The following PCDHGA8 variants were observed in gnomAD, a reference collection of about 807,000 sequenced individuals.
PCDHGA8 encodes the protein protocadherin gamma-A8.
Under a neutral mutation model 59.2 loss-of-function variants are expected in PCDHGA8, and 45 were observed. The observed-to-expected ratio is 0.76, with a 90% CI of 0.60 to 0.98. The LOEUF is 0.98. Ranked by LOEUF, PCDHGA8 falls within the 50% of genes least tolerant of loss-of-function variation. PCDHGA8 has a pLI of 0.00. For synonymous variants in PCDHGA8, 531 were observed against 519.0 expected, an observed-to-expected ratio of 1.02 and a Z score of -0.32; for missense variants, 1,257 against 1,196.2, an observed-to-expected ratio of 1.05 and a Z score of -0.75.
At position 141,432,432 on chromosome 5, in the gene PCDHGA8, A is replaced by G. The variant is rs1431760497; in HGVS notation, c.2424+37195A>G. On this transcript the variant is annotated intron_variant, in intron 1 of 3. Transcript: ENST00000398604. This position sits in a 1 kb window ranked among gnomAD's most constrained non-coding sequence, Gnocchi z 6.0. ...CTGTTCGTGCTGGACCAGAACGACA[A>G]TGCGCCCGAGATCCTGTACCCCGCC... The G allele has an allele frequency of 2.5e-6, 4 of 1,614,156 alleles. No homozygotes were observed. Among genetic ancestry groups the G allele is most frequent in the Non-Finnish European group, 3.4e-6 (4 of 1,180,028 alleles).
At chr5:141,425,379 G>A (rs1330938768) in intron 1 of PCDHGA8, among the ~76,000 whole-genome samples, 7 of 152,152 alleles carry the variant, frequency 4.6e-5, no homozygotes, top group African/African-American at 4.8e-5. Context: ...ATGTTGATTC[G>A]GAGGTAGTGA....
At chr5:141,398,743 A>C (rs770231078) in intron 1 of PCDHGA8, 2 of 1,613,864 alleles carry the variant, frequency 1.2e-6, no homozygotes, top group Admixed American at 3.3e-5. Flanking sequence ...GGAACAACAG[A>C]GTTACCATCG....
At chr5:141,445,086 A>T (rs190267063) in intron 1 of PCDHGA8, among the ~76,000 whole-genome samples, 163 of 152,322 alleles carry the variant, frequency 1.1e-3, no homozygotes, top group African/African-American at 3.6e-3. Flanking sequence ...TTGTCCCTAC[A>T]TATTTGATGT....
At chr5:141,399,798 G>T (rs2093890900) in intron 1 of PCDHGA8, 2 of 1,613,118 alleles carry the variant, frequency 1.2e-6, no homozygotes, top group Non-Finnish European at 1.7e-6. Context: ...ACGCACCGCG[G>T]GTGCTGTACC....
chr5:141,433,408 A>ATCTATCTATCT (rs1413347413), intron 1 of PCDHGA8, among the ~76,000 whole-genome samples: 6 of 127,280 alleles, frequency 4.7e-5, no homozygotes, highest in African/African-American at 1.8e-4. Context: ...TCTATCTATT[A>ATCTATCTATCT]CTTTCTTGTA....
At chr5:141,404,481 A>T in intron 1 of PCDHGA8, 1 of 1,613,836 alleles carries the variant, frequency 6.2e-7, no homozygotes, top group Non-Finnish European at 8.5e-7. Context: ...ATTAACTCAG[A>T]CACTGGTGTG....
chr5:141,452,678 C>T (rs1311364057), intron 1 of PCDHGA8, among the ~76,000 whole-genome samples: 1 of 150,100 alleles, frequency 6.7e-6, no homozygotes, highest in African/African-American at 2.5e-5. Flanking sequence ...GCCTAGGCCA[C>T]AGAATGAAAC....
At chr5:141,421,418 G>A (rs771088122) in intron 1 of PCDHGA8, 1 of 1,614,086 alleles carries the variant, frequency 6.2e-7, no homozygotes, top group Admixed American at 1.7e-5. Flanking sequence ...GCGAAGCGCG[G>A]AGTCCGCATC....
intron 1 of PCDHGA8, chr5:141,409,412 C>T (rs1261631725): frequency 1.2e-6 from 2 of 1,614,032 alleles, no homozygotes; most frequent in Non-Finnish European, 1.7e-6. Flanking sequence ...CTACTACAAA[C>T]TGGTGACAGA....
intron 1 of PCDHGA8, chr5:141,403,625 A>G (rs2094436092): frequency 6.2e-7 from 1 of 1,613,818 alleles, no homozygotes; most frequent in African/African-American, 1.3e-5. Context: ...TCGCTCCAGC[A>G]CAGTGCGCAT....
At position 141,403,188 on chromosome 5, in the gene PCDHGA8, C is replaced by T. The variant is rs763950254; in HGVS notation, c.2424+7951C>T. ...AGGACGCAGCTTTTCTCTCTGAACCCGCGCAGCGGCACCTTGGTCACCGCG... is the reference window on the plus strand; with the variant it reads ...AGGACGCAGCTTTTCTCTCTGAACCTGCGCAGCGGCACCTTGGTCACCGCG... On this transcript the variant is annotated intron_variant, in intron 1 of 3. Coordinates refer to ENST00000398604, the MANE Select transcript of PCDHGA8 (RefSeq NM_032088.2). 5 of 1,613,850 alleles carry T rather than the reference C, an allele frequency of 3.1e-6. No individual in the cohort carries two copies. The African/African-American group carries it at 4.0e-5, about 13-fold the overall frequency.
chr5:141,487,068 T>C lies in PCDHGA8; in HGVS notation c.2425-7739T>C. ...TATGCTGGGGAGGTGCGGACGGCTG[T>C]TCCTATCCCAGCTGACCTCCCACCA... On this transcript the variant is annotated intron_variant, in intron 1 of 3. Transcript: ENST00000398604. The surrounding 1 kb of genome is among the most constrained non-coding windows in gnomAD (Gnocchi z 5.0). The C allele has an allele frequency of 6.2e-7, 1 of 1,614,166 alleles. No individual in the cohort carries two copies. The highest frequency in any genetic ancestry group is 8.5e-7 in the Non-Finnish European group (1 of 1,180,016).
chr5:141,439,773 C>G (rs1323463060), intron 1 of PCDHGA8: 2 of 152,344 alleles, frequency 1.3e-5, no homozygotes, highest in East Asian at 3.9e-4. Flanking sequence ...TCCTTCTTGG[C>G]TGGAGATTCT....
Position 141,432,325 on chromosome 5 carries a change from C to CGAGCA in PCDHGA8, c.2424+37090_2424+37094dup, listed in dbSNP as rs768604869. On this transcript the variant is annotated intron_variant, in intron 1 of 3. Coordinates refer to ENST00000398604, the MANE Select transcript of PCDHGA8 (RefSeq NM_032088.2). This position sits in a 1 kb window ranked among gnomAD's most constrained non-coding sequence, Gnocchi z 6.0. Reference sequence around the variant, plus strand: ...TGTATGCGCTGAGCTCCTTCGACTACGAGCAGTTCCGAGACTTGCAAGTGA... The same window carrying CGAGCA: ...TGTATGCGCTGAGCTCCTTCGACTACGAGCAGAGCAGTTCCGAGACTTGCAAGTGA... 20 of 1,614,142 alleles carry CGAGCA rather than the reference C, an allele frequency of 1.2e-5. No individual in the cohort carries two copies. Among genetic ancestry groups the CGAGCA allele is most frequent in the Non-Finnish European group, 1.7e-5 (20 of 1,180,050 alleles).
At chr5:141,419,465 G>C (rs568864628) in intron 1 of PCDHGA8, 77 of 1,612,426 alleles carry the variant, frequency 4.8e-5, no homozygotes, top group Non-Finnish European at 6.4e-5. Context: ...GCAGGCCCGC[G>C]ACCAGGGCTC....
chr5:141,441,811 C>A (rs1007948586), intron 1 of PCDHGA8: 2 of 370,710 alleles, frequency 5.4e-6, no homozygotes, highest in African/African-American at 2.2e-5. Flanking sequence ...GTGCTGTACC[C>A]CAGCTCTGGA....
At position 141,485,342 on chromosome 5, in the gene PCDHGA8, G is replaced by A; in HGVS notation, c.2425-9465G>A. On this transcript the variant is annotated intron_variant, in intron 1 of 3. Coordinates refer to ENST00000398604, the MANE Select transcript of PCDHGA8 (RefSeq NM_032088.2). The surrounding 1 kb of genome is among the most constrained non-coding windows in gnomAD (Gnocchi z 5.7). ...CGCTCAAGATTTCCTGCTGGATACG[G>A]ACAGTCTGTCAGCTCGCAGGCTGCA... 1 of 1,614,164 alleles carries A rather than the reference G, an allele frequency of 6.2e-7. No homozygotes were observed. The highest frequency in any genetic ancestry group is 8.5e-7 in the Non-Finnish European group (1 of 1,180,026).
chr5:141,392,786 T>C lies in PCDHGA8; in HGVS notation c.-28T>C. ...AGACCCATTTATGCACAGTGAAGAT[T>C]CTGAGAGGATTCTGCAGCAAAACAA... On this transcript the variant is annotated 5_prime_UTR_variant, in exon 1 of 4. Coordinates refer to ENST00000398604, the MANE Select transcript of PCDHGA8 (RefSeq NM_032088.2). The C allele has an allele frequency of 5.2e-6, 8 of 1,550,412 alleles. No homozygotes were observed. Among genetic ancestry groups the C allele is most frequent in the Non-Finnish European group, 7.0e-6 (8 of 1,150,452 alleles).
In PCDHGA8 at chr5:141,402,956, G is replaced by A. The variant is rs1276206622; in HGVS notation, c.2424+7719G>A. Reference sequence around the variant, plus strand: ...AAAATTCCAAAGCGAGGCAGCAATGGCAGCTCCAACCAAATGCCAGCTCCG... The same window carrying A: ...AAAATTCCAAAGCGAGGCAGCAATGACAGCTCCAACCAAATGCCAGCTCCG... On this transcript the variant is annotated intron_variant, in intron 1 of 3. Coordinates refer to ENST00000398604, the MANE Select transcript of PCDHGA8 (RefSeq NM_032088.2). 1.2e-6 allele frequency: 2 copies of A among 1,601,842 alleles called. No individual in the cohort carries two copies. The highest frequency in any genetic ancestry group is 2.7e-5 in the African/African-American group (2 of 74,454).
Sources: gnomAD v4.1 joint callset for allele counts (sites outside exome capture counted in the v4.1 genomes callset) on GRCh38, gnomAD v4.1.1 for gene constraint, Gnocchi (gnomAD v3.1) non-coding constraint, MANE v1.5 for transcripts, NCBI Gene and HGNC (gene_info 2026-07-23, HGNC 2026-07-21) for gene names.